Variants in SAMM50 observed in about 807,000 individuals in gnomAD.
SAMM50 encodes SAMM50 sorting and assembly machinery component.
SAMM50 carries 47 observed loss-of-function variants against 66.9 expected under a neutral mutation model. The observed-to-expected ratio is 0.70, with a 90% CI of 0.56 to 0.90. The LOEUF is 0.90. SAMM50 is among the 40% of genes least tolerant of loss of function. The pLI is 0.00. For synonymous variants in SAMM50, 191 were observed against 214.1 expected, an observed-to-expected ratio of 0.89 and a Z score of 0.94; for missense variants, 535 against 595.3, an observed-to-expected ratio of 0.90 and a Z score of 1.05.
At chr22:43,962,610 AG>A (rs1374539370) in intron 1 of SAMM50, among the ~76,000 whole-genome samples, 1 of 152,202 alleles carries the variant, frequency 6.6e-6, no homozygotes, top group Non-Finnish European at 1.5e-5. Context: ...AAAACCTGTC[AG>A]GGTCTACATA....
chr22:43,972,222 A>AT lies in SAMM50; in HGVS notation c.323-7dup, dbSNP rs2050207217. 3 of 1,506,358 alleles carry AT rather than the reference A, an allele frequency of 2.0e-6. No individual in the cohort carries two copies. The highest frequency in any genetic ancestry group is 2.2e-5 in the Admixed American group (1 of 45,696). 93.3% of individuals were successfully genotyped at this position (1,506,358 alleles called of 1,614,324 possible). On this transcript the variant is annotated splice_polypyrimidine_tract_variant and intron_variant, in intron 4 of 14. Transcript: ENST00000350028. Reference sequence around the variant, plus strand: ...CATCCTGGCTGTCTTATTGTTTAATATTTTTTTATTTAGGTGATGACGCAC... The same window carrying AT: ...CATCCTGGCTGTCTTATTGTTTAATATTTTTTTTATTTAGGTGATGACGCAC...
chr22:43,977,120 T>C (rs2050236686), intron 9 of SAMM50, among the ~76,000 whole-genome samples: 1 of 152,188 alleles, frequency 6.6e-6, no homozygotes, highest in Admixed American at 6.5e-5. Flanking sequence ...TGGTGTTACC[T>C]GGGAGAGAGT....
In SAMM50 at chr22:43,983,871, C is replaced by T. The variant is rs376862244; in HGVS notation, c.1008-62C>T. 9.7e-5 allele frequency: 114 copies of T among 1,177,746 alleles called. No homozygotes were observed. The highest frequency in any genetic ancestry group is 3.3e-4 in the Admixed American group (17 of 51,544). 73.0% of individuals were successfully genotyped at this position (1,177,746 alleles called of 1,614,324 possible). A position where few individuals can be genotyped will look rare whatever the true frequency, so the allele number is the denominator to read the frequency against. On this transcript the variant is annotated intron_variant, in intron 11 of 14. Coordinates refer to ENST00000350028, the MANE Select transcript of SAMM50 (RefSeq NM_015380.5). The surrounding 1 kb of genome is among the most constrained non-coding windows in gnomAD (Gnocchi z 4.2). ...TCTGACATGTGTTTCCTACGCGTTC[C>T]GTGTGTCATGTCGTTTCTCACCTCC...
intron 14 of SAMM50, 120 bp from the exon 15 acceptor site, chr22:43,996,218 A>C: frequency 2.8e-6 from 3 of 1,066,574 alleles, no homozygotes; most frequent in Non-Finnish European, 4.4e-6. Flanking sequence ...CCAGGCAGGA[A>C]GGCAGCAGGA....
chr22:43,957,009 G>A, intron 1 of SAMM50: 6 of 753,750 alleles, frequency 8.0e-6, no homozygotes, highest in Non-Finnish European at 1.4e-5. Flanking sequence ...GCCGGGAGCA[G>A]GACTTCTGAA....
chr22:43,991,246 G>GATT (rs1400735019), intron 14 of SAMM50, among the ~76,000 whole-genome samples: 1 of 151,116 alleles, frequency 6.6e-6, no homozygotes, highest in Non-Finnish European at 1.5e-5. Flanking sequence ...AAAGTGCTGG[G>GATT]ATTATAGGCA....
At chr22:43,978,785 C>T (rs1033727400) in intron 10 of SAMM50, among the ~76,000 whole-genome samples, 1 of 152,186 alleles carries the variant, frequency 6.6e-6, no homozygotes, top group African/African-American at 2.4e-5. Flanking sequence ...TCCCAGCACC[C>T]AGTGGCTGGG....
At chr22:43,962,000 C>CTG (rs919828226) in intron 1 of SAMM50, among the ~76,000 whole-genome samples, 18 of 151,056 alleles carry the variant, frequency 1.2e-4, no homozygotes, top group Non-Finnish European at 1.6e-4. Context: ...GTGTGTGTGT[C>CTG]TGTGTGTGTG....
chr22:43,960,578 A>T (rs2050142647), intron 1 of SAMM50, among the ~76,000 whole-genome samples: 1 of 152,092 alleles, frequency 6.6e-6, no homozygotes, highest in Non-Finnish European at 1.5e-5. Context: ...AAAATACAAT[A>T]ATTAGCCAGG....
At chr22:43,988,285 G>A (rs2050304439) in intron 12 of SAMM50, 2 of 152,166 alleles carry the variant, frequency 1.3e-5, no homozygotes, top group African/African-American at 4.8e-5. Context: ...TCTGGATTGT[G>A]AGGAACTGAA....
At chr22:43,959,960 C>T (rs1323285430) in intron 1 of SAMM50, among the ~76,000 whole-genome samples, 1 of 152,154 alleles carries the variant, frequency 6.6e-6, no homozygotes, top group East Asian at 1.9e-4. Context: ...AACTGTGAAA[C>T]TTCAATGGTG....
At position 43,990,902 on chromosome 22, in the gene SAMM50, G is replaced by A. The variant is rs1342712233; in HGVS notation, c.1364+496G>A. On this transcript the variant is annotated intron_variant, in intron 14 of 14. Transcript: ENST00000350028. ...TTTATTGAGGAAAGATTCCCTAAAT[G>A]TTACATGGGTGAATATGGTATAGGG... 2.0e-5 allele frequency among the ~76,000 whole-genome samples: 3 copies of A among 152,148 alleles called. No individual in the cohort carries two copies. The East Asian group carries it at 5.8e-4, about 29-fold the overall frequency.
intron 3 of SAMM50, among the ~76,000 whole-genome samples, 153 bp from the exon 4 acceptor site, chr22:43,968,578 C>T (rs1229229934): frequency 6.6e-6 from 1 of 152,210 alleles, no homozygotes; most frequent in African/African-American, 2.4e-5. Context: ...GTGCTTTTCC[C>T]TTCTGTCATG....
intron 14 of SAMM50, among the ~76,000 whole-genome samples, chr22:43,994,616 GC>G (rs1163507313): frequency 3.3e-5 from 5 of 152,178 alleles, no homozygotes; most frequent in African/African-American, 7.2e-5. Context: ...CAGTGGCAGT[GC>G]TGGGTGAGAA....
chr22:43,984,862 C>T (rs964763108), intron 12 of SAMM50, among the ~76,000 whole-genome samples: 3 of 151,990 alleles, frequency 2.0e-5, no homozygotes, highest in Admixed American at 6.6e-5. Context: ...GAACTCCTGA[C>T]CTCGTGATCC....
chr22:43,969,387 G>A (rs762584881), intron 4 of SAMM50, among the ~76,000 whole-genome samples: 4 of 152,154 alleles, frequency 2.6e-5, no homozygotes, highest in Non-Finnish European at 5.9e-5. Flanking sequence ...CACCTGCTTC[G>A]AGGCCAGCCC....
intron 6 of SAMM50, 67 bp downstream of exon 6, chr22:43,973,068 G>T: frequency 6.4e-7 from 1 of 1,552,058 alleles, no homozygotes; most frequent in African/African-American, 1.4e-5. Flanking sequence ...TGGCTTATTT[G>T]TGAAAAGAAC....
intron 14 of SAMM50, among the ~76,000 whole-genome samples, chr22:43,993,913 C>T (rs770199202): frequency 2.6e-5 from 4 of 152,200 alleles, no homozygotes; most frequent in Non-Finnish European, 4.4e-5. Context: ...ACTGTTATGT[C>T]GCAAGTGATT....
chr22:43,968,226 C>CAAAAAAAAAAAAAAAAAAAAAAAAAAA (rs66961907), intron 3 of SAMM50, among the ~76,000 whole-genome samples: 3 of 68,644 alleles, frequency 4.4e-5, no homozygotes, highest in African/African-American at 1.1e-4. Context: ...AACTCTGTCT[C>CAAAAAAAAAAAAAAAAAAAAAAAAAAA]AAAAAAAAAA....
Sources: gnomAD v4.1 joint callset for allele counts (sites outside exome capture counted in the v4.1 genomes callset) on GRCh38, gnomAD v4.1.1 for gene constraint, Gnocchi (gnomAD v3.1) non-coding constraint, MANE v1.5 for transcripts, NCBI Gene and HGNC (gene_info 2026-07-23, HGNC 2026-07-21) for gene names.